PLEKHM3: variants seen among roughly 807,000 people sequenced by gnomAD.
The protein encoded by PLEKHM3 is pleckstrin homology domain-containing family M member 3.
A neutral mutation model predicts 81.8 loss-of-function variants in PLEKHM3; 45 were observed. The observed-to-expected ratio is 0.55, with a 90% CI of 0.43 to 0.71. The LOEUF (loss-of-function observed/expected upper bound fraction) is 0.71, where lower values mean the gene tolerates loss of function less well. PLEKHM3 is among the 30% of genes least tolerant of loss of function. The probability of loss-of-function intolerance (pLI) is 0.00; values close to 1 mark genes in which losing one functional copy is unlikely to be tolerated. For synonymous variants in PLEKHM3, 352 were observed against 356.4 expected (o/e 0.99, Z 0.14); for missense variants, 788 against 924.3 (o/e 0.85, Z 1.91).
rs754141240 is a variant in PLEKHM3 at position 208,001,983 on chromosome 2, T to C, written c.-318-26A>G. ...CTGGAAGAAAATAAACAGGATAACA[T>C]TGGCACATGGTTCATTGTATTCTAC... On this transcript the variant is annotated intron_variant, in intron 1 of 7. Transcript: ENST00000427836. 1.0e-4 allele frequency: 30 copies of C among 289,050 alleles called. No homozygotes were observed. The Middle Eastern group carries it at 4.5e-3, about 43-fold the overall frequency. The allele number at this position is 289,050 out of a possible 1,614,324, so 17.9% of individuals were successfully genotyped here. A position where few individuals can be genotyped will look rare whatever the true frequency, so the allele number is the denominator to read the frequency against.
chr2:207,851,153 C>CAAAAAA (rs57701612), intron 7 of PLEKHM3: 3 of 65,112 alleles, frequency 4.6e-5, no homozygotes, highest in Non-Finnish European at 8.0e-5. Flanking sequence ...GACTCCGTCT[C>CAAAAAA]AAAAAAAAAA....
intron 1 of PLEKHM3, among the ~76,000 whole-genome samples, chr2:208,007,457 G>A (rs534597089): frequency 2.6e-5 from 4 of 152,198 alleles, no homozygotes; most frequent in African/African-American, 4.8e-5. Context: ...GTGCCAGGGT[G>A]GACCTCATAA....
At chr2:207,908,471 C>T (rs1043686578) in intron 6 of PLEKHM3, 43 bp downstream of exon 6, 5 of 1,563,436 alleles carry the variant, frequency 3.2e-6, no homozygotes, top group Non-Finnish European at 1.8e-6. Flanking sequence ...AGAGACTTCT[C>T]CAGGAAAGCA....
Position 207,865,801 on chromosome 2 carries a change from A to AAAAAAAAAAAAAAT in PLEKHM3, c.1951-4540_1951-4539insATTTTTTTTTTTTT. ...CGACTCAAAAAAAAAAAAAAAAAAA[A>AAAAAAAAAAAAAAT]AGATATATATATATATATATATATA... On this transcript the variant is annotated intron_variant, in intron 6 of 7. Transcript: ENST00000427836. 9.1e-4 allele frequency among the ~76,000 whole-genome samples: 23 copies of AAAAAAAAAAAAAAT among 25,284 alleles called. 6 individuals carry two copies. Among genetic ancestry groups the AAAAAAAAAAAAAAT allele is most frequent in the Non-Finnish European group, 1.5e-3 (20 of 13,194 alleles). The allele number at this position is 25,284 out of a possible 152,430, so 16.6% of individuals were successfully genotyped here.
At chr2:207,835,165 G>C (rs1449542743) in intron 7 of PLEKHM3, among the ~76,000 whole-genome samples, 3 of 151,614 alleles carry the variant, frequency 2.0e-5, no homozygotes, top group Admixed American at 2.0e-4. Flanking sequence ...GGCTAGTCTC[G>C]AACTCCTGAC....
At chr2:207,960,698 TATTGAGAG>T (rs1355651849) in intron 3 of PLEKHM3, among the ~76,000 whole-genome samples, 1 of 152,118 alleles carries the variant, frequency 6.6e-6, no homozygotes, top group African/African-American at 2.4e-5. Context: ...TGGGTGACAT[TATTGAGAG>T]ATGAAGATCA....
intron 6 of PLEKHM3, among the ~76,000 whole-genome samples, chr2:207,892,977 T>A (rs1688107002): frequency 6.6e-6 from 1 of 152,142 alleles, no homozygotes; most frequent in South Asian, 2.1e-4. Flanking sequence ...TTTTTATCCT[T>A]ACTCCATCTT....
At chr2:207,902,851 C>CCCGCCCATCCAT (rs1688481320) in intron 6 of PLEKHM3, among the ~76,000 whole-genome samples, 1 of 40,452 alleles carries the variant, frequency 2.5e-5, no homozygotes, top group African/African-American at 8.7e-5. Flanking sequence ...CACCCATCCA[C>CCCGCCCATCCAT]CCACCCATCC....
intron 7 of PLEKHM3, among the ~76,000 whole-genome samples, chr2:207,852,089 C>T (rs2092415974): frequency 6.6e-6 from 1 of 152,124 alleles, no homozygotes; most frequent in African/African-American, 2.4e-5. Flanking sequence ...TTCAAAATAG[C>T]AGTTTTGGAG....
intron 6 of PLEKHM3, among the ~76,000 whole-genome samples, chr2:207,862,107 C>G (rs1173217029): frequency 6.6e-6 from 1 of 152,124 alleles, no homozygotes; most frequent in Non-Finnish European, 1.5e-5. Flanking sequence ...AACTCATGTT[C>G]TGTTGATCAT....
chr2:208,010,208 GTTTGCCACCTGCAAAATCATTGAGACA>G (rs1463363065), intron 1 of PLEKHM3, among the ~76,000 whole-genome samples: 1 of 152,166 alleles, frequency 6.6e-6, no homozygotes, highest in Non-Finnish European at 1.5e-5. Flanking sequence ...CATGTTTATT[GTTTGCCACCTGCAAAATCATTGAGACA>G]TTTGCTGCCT....
rs769598634 is a variant in PLEKHM3, at chr2:207,930,956, C to T, written c.1856G>A (p.Arg619Gln). 1.9e-6 allele frequency: 3 copies of T among 1,613,378 alleles called. No homozygotes were observed. The highest frequency in any genetic ancestry group is 1.7e-5 in the Admixed American group (1 of 59,988). The change falls in exon 5 of 8, where the codon CGG (arginine) becomes CAG (glutamine). Residue 619 changes from arginine to glutamine, a missense_variant. Arg to Gln is a conservative substitution (Grantham distance 43, BLOSUM62 1). Coordinates refer to ENST00000427836, the MANE Select transcript of PLEKHM3 (RefSeq NM_001080475.3). ...KSLRAYLFSC[R>Q]AAVAEDLRRR... ...GCGGAGATCCTCTGCCACCGCTGCC[C>T]GGCAGCTGAACAAATAGGCTCGGAG...
intron 3 of PLEKHM3, among the ~76,000 whole-genome samples, chr2:207,972,548 C>G (rs932662037): frequency 2.0e-5 from 3 of 149,858 alleles, no homozygotes; most frequent in African/African-American, 7.4e-5. Context: ...GATCATAACA[C>G]TGCACTCCAG....
chr2:207,927,150 G>A (rs532957896), intron 5 of PLEKHM3, among the ~76,000 whole-genome samples: 5 of 152,084 alleles, frequency 3.3e-5, no homozygotes, highest in African/African-American at 1.2e-4. Flanking sequence ...TTTCTATCAG[G>A]GATATATGAG....
intron 4 of PLEKHM3, among the ~76,000 whole-genome samples, chr2:207,942,568 C>T (rs1689978632): frequency 6.6e-6 from 1 of 150,808 alleles, no homozygotes; most frequent in Non-Finnish European, 1.5e-5. Context: ...GCAGCAAATT[C>T]TGTCATTTGC....
At chr2:207,963,416 G>A (rs1321919251) in intron 3 of PLEKHM3, among the ~76,000 whole-genome samples, 1 of 152,188 alleles carries the variant, frequency 6.6e-6, no homozygotes, top group Non-Finnish European at 1.5e-5. Context: ...GGAAGACACT[G>A]AAGAATTGTA....
chr2:207,832,015 C>G (rs1014915696), intron 7 of PLEKHM3, among the ~76,000 whole-genome samples: 3 of 152,208 alleles, frequency 2.0e-5, no homozygotes, highest in Non-Finnish European at 4.4e-5. Flanking sequence ...CAGTACCACT[C>G]CCTTATCTCT....
At chr2:208,014,672 T>C (rs1692819924) in intron 1 of PLEKHM3, among the ~76,000 whole-genome samples, 2 of 152,262 alleles carry the variant, frequency 1.3e-5, no homozygotes, top group Non-Finnish European at 1.5e-5. Context: ...GTAAGAACTA[T>C]GTTTTCATCC....
chr2:207,933,461 A>C (rs1190223959), intron 4 of PLEKHM3, among the ~76,000 whole-genome samples: 2 of 152,232 alleles, frequency 1.3e-5, no homozygotes. Flanking sequence ...ACCCACTTGA[A>C]ACTGTTGCTG....
Sources: allele counts gnomAD v4.1 joint callset (sites outside exome capture counted in the v4.1 genomes callset), GRCh38; gene constraint gnomAD v4.1.1; transcripts MANE v1.5; gene names NCBI Gene and HGNC (gene_info 2026-07-23, HGNC 2026-07-21).